The following POU6F2 variants were observed in gnomAD, a reference collection of about 807,000 sequenced individuals.
POU6F2 encodes the protein POU domain, class 6, transcription factor 2.
POU6F2 carries 31 observed loss-of-function variants against 71.3 expected under a neutral mutation model. The observed-to-expected ratio is 0.43, with a 90% CI of 0.33 to 0.59. POU6F2 has a LOEUF of 0.59. POU6F2 is among the 20% of genes least tolerant of loss of function. The pLI is 0.04. For missense variants in POU6F2, 783 were observed against 856.8 expected, an observed-to-expected ratio of 0.91 and a Z score of 1.07; for synonymous variants, 347 against 355.7, an observed-to-expected ratio of 0.98 and a Z score of 0.27.
chr7:39,043,039 T>G (rs945444695), intron 1 of POU6F2, among the ~76,000 whole-genome samples: 1 of 151,944 alleles, frequency 6.6e-6, no homozygotes, highest in Non-Finnish European at 1.5e-5. Flanking sequence ...TCTCTGTAAG[T>G]TGGATCCCAG....
chr7:38,992,939 A>T (rs926672036), intron 1 of POU6F2, among the ~76,000 whole-genome samples: 2 of 152,194 alleles, frequency 1.3e-5, no homozygotes, highest in Non-Finnish European at 2.9e-5. Flanking sequence ...TGGCAGCTTC[A>T]TGCGTACTTA....
chr7:39,227,577 C>T (rs1373536612), intron 4 of POU6F2, among the ~76,000 whole-genome samples: 13 of 117,930 alleles, frequency 1.1e-4, no homozygotes, highest in Admixed American at 6.5e-4. Context: ...TTTTTTGAGA[C>T]GGAGTCTCGC....
At chr7:39,069,029 G>A (rs1790820020) in intron 1 of POU6F2, among the ~76,000 whole-genome samples, 1 of 152,152 alleles carries the variant, frequency 6.6e-6, no homozygotes, top group African/African-American at 2.4e-5. Context: ...TGTGGAGAGT[G>A]GACCAAGCAT....
At chr7:39,367,899 G>T (rs926401274) in intron 5 of POU6F2, among the ~76,000 whole-genome samples, 3 of 152,018 alleles carry the variant, frequency 2.0e-5, no homozygotes, top group African/African-American at 7.3e-5. Context: ...TAATTGTTTT[G>T]GGGTGCTACG....
intron 1 of POU6F2, among the ~76,000 whole-genome samples, chr7:39,029,005 A>G (rs1355257734): frequency 1.3e-5 from 2 of 151,814 alleles, no homozygotes; most frequent in South Asian, 2.1e-4. Context: ...TAATAAATAA[A>G]TGTGTAGAGT....
intron 4 of POU6F2, among the ~76,000 whole-genome samples, chr7:39,247,670 A>G (rs979906750): frequency 2.0e-5 from 3 of 152,142 alleles, no homozygotes; most frequent in Non-Finnish European, 2.9e-5. Flanking sequence ...TCATTGATAT[A>G]TGGGTACTTG....
chr7:39,147,243 T>C (rs1792642909), intron 2 of POU6F2, among the ~76,000 whole-genome samples: 1 of 152,214 alleles, frequency 6.6e-6, no homozygotes, highest in African/African-American at 2.4e-5. Context: ...TGCCACACTT[T>C]TAATGGCAAA....
intron 5 of POU6F2, among the ~76,000 whole-genome samples, chr7:39,396,203 A>G (rs531993820): frequency 6.6e-6 from 1 of 152,348 alleles, no homozygotes; most frequent in African/African-American, 2.4e-5. Flanking sequence ...TGTCTCCATA[A>G]TGCTGACCTC....
chr7:39,457,870 C>G (rs1471514201), intron 8 of POU6F2, among the ~76,000 whole-genome samples: 1 of 152,122 alleles, frequency 6.6e-6, no homozygotes. Context: ...TCAGAGAGGC[C>G]AGACCCCTCT....
intron 5 of POU6F2, chr7:39,373,404 C>G (rs1372630360): frequency 8.8e-6 from 4 of 456,068 alleles, no homozygotes; most frequent in Middle Eastern, 3.2e-4. Context: ...AATTAGTATG[C>G]CAAGAGCCAA....
chr7:39,281,095 G>T (rs1180904224), intron 4 of POU6F2, among the ~76,000 whole-genome samples: 5 of 147,184 alleles, frequency 3.4e-5, no homozygotes, highest in Non-Finnish European at 5.9e-5. Flanking sequence ...TAGAAATCAT[G>T]CCATTTTAAT....
At chr7:39,367,455 T>A (rs542246506) in intron 5 of POU6F2, among the ~76,000 whole-genome samples, 1 of 152,192 alleles carries the variant, frequency 6.6e-6, no homozygotes, top group Non-Finnish European at 1.5e-5. Flanking sequence ...TCTTGATAGA[T>A]GAGTTTTCCC....
chr7:39,101,780 A>G (rs1791579355), intron 2 of POU6F2, among the ~76,000 whole-genome samples: 1 of 152,230 alleles, frequency 6.6e-6, no homozygotes, highest in Admixed American at 6.5e-5. Context: ...CATTTGCTTG[A>G]TTTAATCATT....
At chr7:39,090,330 G>A (rs1254880375) in intron 2 of POU6F2, among the ~76,000 whole-genome samples, 1 of 151,998 alleles carries the variant, frequency 6.6e-6, no homozygotes, top group Non-Finnish European at 1.5e-5. Context: ...TAGAATTTAT[G>A]GCAGTAGAGT....
At chr7:39,381,671 T>C in intron 5 of POU6F2, among the ~76,000 whole-genome samples, 1 of 152,214 alleles carries the variant, frequency 6.6e-6, no homozygotes, top group Non-Finnish European at 1.5e-5. Flanking sequence ...TGCTATGAGT[T>C]GCAAAAGACT....
chr7:39,089,723 T>A (rs1251974844), intron 2 of POU6F2, among the ~76,000 whole-genome samples: 1 of 152,150 alleles, frequency 6.6e-6, no homozygotes, highest in African/African-American at 2.4e-5. Context: ...AAGTAATATA[T>A]ATCCTTGGAA....
intron 4 of POU6F2, among the ~76,000 whole-genome samples, chr7:39,315,438 G>A (rs1336736082): frequency 2.0e-5 from 3 of 152,152 alleles, no homozygotes; most frequent in Non-Finnish European, 4.4e-5. Context: ...GGTACTCAAT[G>A]AATGATCCAT....
chr7:39,073,877 A>C (rs1283771670), intron 1 of POU6F2, among the ~76,000 whole-genome samples: 1 of 152,226 alleles, frequency 6.6e-6, no homozygotes, highest in Non-Finnish European at 1.5e-5. Context: ...GGACTGGCTT[A>C]TTTAGAGAAT....
At chr7:39,073,058 T>C (rs539896732) in intron 1 of POU6F2, among the ~76,000 whole-genome samples, 1 of 152,346 alleles carries the variant, frequency 6.6e-6, no homozygotes, top group African/African-American at 2.4e-5. Flanking sequence ...CTAATGTTTC[T>C]AGATCTTTAC....
Sources: gnomAD v4.1 joint callset for allele counts (sites outside exome capture counted in the v4.1 genomes callset) on GRCh38, gnomAD v4.1.1 for gene constraint, MANE v1.5 for transcripts, NCBI Gene and HGNC (gene_info 2026-07-23, HGNC 2026-07-21) for gene names.